Variants in TXN observed in about 807,000 individuals in gnomAD.
TXN encodes the protein thioredoxin.
Under a neutral mutation model 16.5 loss-of-function variants are expected in TXN, and 10 were observed. That is an observed-to-expected ratio of 0.61 (90% confidence interval 0.37 to 1.03). TXN has a LOEUF of 1.03. Ranked by LOEUF, TXN falls within the 50% of genes least tolerant of loss-of-function variation. TXN has a pLI of 0.01. For synonymous variants in TXN, 35 were observed against 39.4 expected (o/e 0.89, Z 0.42); for missense variants, 71 against 122.5 (o/e 0.58, Z 1.98).
rs1837612890 is a variant in TXN at position 110,244,008 on chromosome 9, T to TA, written c.*148_*149insT. 1 of 357,458 alleles carries TA rather than the reference T, an allele frequency of 2.8e-6. No individual in the cohort carries two copies. The highest frequency in any genetic ancestry group is 2.1e-5 in the African/African-American group (1 of 46,706). 22.1% of individuals were successfully genotyped at this position (357,458 alleles called of 1,614,324 possible). A position where few individuals can be genotyped will look rare whatever the true frequency, so the allele number is the denominator to read the frequency against. On this transcript the variant is annotated 3_prime_UTR_variant, in exon 5 of 5. Coordinates refer to ENST00000374517, the MANE Select transcript of TXN (RefSeq NM_003329.4). ...ATTTATTTTGAAAGCTATTCAGACA[T>TA]GAGACGGTTTTAAAAAGTGTTAGCA...
chr9:110,250,715 A>C, intron 3 of TXN, 105 bp downstream of exon 3: 1 of 941,284 alleles, frequency 1.1e-6, no homozygotes, highest in Non-Finnish European at 1.7e-6. Flanking sequence ...ATAGGATTAC[A>C]GTTCTAGAAT....
intron 3 of TXN, among the ~76,000 whole-genome samples, chr9:110,245,594 T>C (rs1159403503): frequency 1.2e-5 from 1 of 80,064 alleles, no homozygotes; most frequent in Non-Finnish European, 2.4e-5. Context: ...TGTGTGTGTG[T>C]ATATATATAC....
chr9:110,244,703 T>C, intron 4 of TXN, 75 bp downstream of exon 4: 1 of 1,289,584 alleles, frequency 7.8e-7, no homozygotes, highest in Non-Finnish European at 1.1e-6. Flanking sequence ...AAAGGGAACA[T>C]CACTCCAGTG....
rs1837809714 is a variant in TXN, at chr9:110,256,341, C to A, written c.24+71G>T. On this transcript the variant is annotated intron_variant, in intron 1 of 4. Transcript: ENST00000374517. This position sits in a 1 kb window ranked among gnomAD's most constrained non-coding sequence, Gnocchi z 4.2. ...TCCCGCCACCGCCTTCCCCACCTCC[C>A]GCCACCGCCTTCCCCAGTTACAGAG... 1.3e-6 allele frequency: 2 copies of A among 1,530,430 alleles called. No individual in the cohort carries two copies. Among genetic ancestry groups the A allele is most frequent in the South Asian group, 1.2e-5 (1 of 85,216 alleles). The allele number at this position is 1,530,430 out of a possible 1,614,324, so 94.8% of individuals were successfully genotyped here. A position where few individuals can be genotyped will look rare whatever the true frequency, so the allele number is the denominator to read the frequency against.
chr9:110,249,898 C>T (rs182348960), intron 3 of TXN, among the ~76,000 whole-genome samples: 12 of 152,276 alleles, frequency 7.9e-5, no homozygotes, highest in Non-Finnish European at 7.4e-5. Context: ...CCAGGTCCAG[C>T]GCCTCTGTTG....
chr9:110,251,756 A>G (rs1409324178), intron 1 of TXN, among the ~76,000 whole-genome samples: 4 of 152,086 alleles, frequency 2.6e-5, no homozygotes, highest in Non-Finnish European at 5.9e-5. Flanking sequence ...TGAACTGGCT[A>G]TTTTTTCTCT....
chr9:110,248,493 C>T (rs1286645629), intron 3 of TXN, among the ~76,000 whole-genome samples: 1 of 152,160 alleles, frequency 6.6e-6, no homozygotes, highest in Admixed American at 6.5e-5. Flanking sequence ...ACAGGCTTTA[C>T]CACATAGCCT....
At chr9:110,244,706 C>T in intron 4 of TXN, 72 bp downstream of exon 4, 1 of 1,326,082 alleles carries the variant, frequency 7.5e-7, no homozygotes, top group Non-Finnish European at 1.1e-6. Context: ...GGGAACATCA[C>T]TCCAGTGATT....
intron 3 of TXN, among the ~76,000 whole-genome samples, chr9:110,245,790 G>A (rs1837651499): frequency 1.3e-5 from 2 of 150,046 alleles, no homozygotes; most frequent in Non-Finnish European, 3.0e-5. Context: ...ACCACACTCA[G>A]CCTCCTGCTT....
intron 3 of TXN, among the ~76,000 whole-genome samples, chr9:110,249,419 G>C (rs192731032): frequency 6.6e-6 from 1 of 152,088 alleles, no homozygotes; most frequent in Non-Finnish European, 1.5e-5. Flanking sequence ...GGTGTGCTAG[G>C]TGAAGGGGCA....
intron 1 of TXN, 124 bp from the exon 2 acceptor site, chr9:110,251,586 C>CA (rs5899890): frequency 0.049 from 2,757 of 56,196 alleles, 444 homozygotes; most frequent in East Asian, 0.48. Flanking sequence ...ACTTTTTAGC[C>CA]AAAAAAAAAA....
intron 3 of TXN, among the ~76,000 whole-genome samples, chr9:110,250,564 G>C (rs1411545939): frequency 1.3e-5 from 2 of 152,188 alleles, no homozygotes; most frequent in African/African-American, 2.4e-5. Flanking sequence ...GTAGAATGTA[G>C]GGTTTTAGAA....
chr9:110,255,503 G>A (rs1007936459), intron 1 of TXN, among the ~76,000 whole-genome samples: 4 of 152,224 alleles, frequency 2.6e-5, no homozygotes, highest in African/African-American at 9.6e-5. Flanking sequence ...CAGGCAGCAG[G>A]GCGCGGCTGC....
intron 3 of TXN, among the ~76,000 whole-genome samples, chr9:110,250,579 G>A (rs754236901): frequency 3.3e-5 from 5 of 152,214 alleles, no homozygotes; most frequent in Non-Finnish European, 7.3e-5. Context: ...TTAGAAAGGT[G>A]GGTGGCCGAT....
chr9:110,253,720 T>C (rs4135179), intron 1 of TXN, among the ~76,000 whole-genome samples: 20,102 of 152,252 alleles, frequency 0.13, 1,764 homozygotes, highest in Non-Finnish European at 0.21. Flanking sequence ...GAACATGAGT[T>C]ACACCCCACG....
chr9:110,248,332 C>A (rs1304732847), intron 3 of TXN, among the ~76,000 whole-genome samples: 1 of 152,202 alleles, frequency 6.6e-6, no homozygotes, highest in Non-Finnish European at 1.5e-5. Flanking sequence ...ATGGCAAGTA[C>A]CTTATAAAGG....
intron 3 of TXN, among the ~76,000 whole-genome samples, chr9:110,247,408 T>C (rs1214093349): frequency 1.3e-5 from 2 of 151,818 alleles, no homozygotes; most frequent in African/African-American, 2.4e-5. Flanking sequence ...ACGGAAGTCC[T>C]CGAGTGCTTT....
At chr9:110,247,821 G>C (rs538889634) in intron 3 of TXN, among the ~76,000 whole-genome samples, 1 of 152,176 alleles carries the variant, frequency 6.6e-6, no homozygotes, top group African/African-American at 2.4e-5. Flanking sequence ...CTATACAACA[G>C]GCTCAGGCAG....
At chr9:110,252,637 G>A (rs537205212) in intron 1 of TXN, among the ~76,000 whole-genome samples, 10 of 152,148 alleles carry the variant, frequency 6.6e-5, no homozygotes, top group African/African-American at 2.2e-4. Flanking sequence ...AGTTACCAAG[G>A]ACTCATTTTT....
Sources: gnomAD v4.1 joint callset for allele counts (sites outside exome capture counted in the v4.1 genomes callset) on GRCh38, gnomAD v4.1.1 for gene constraint, Gnocchi (gnomAD v3.1) non-coding constraint, MANE v1.5 for transcripts, NCBI Gene and HGNC (gene_info 2026-07-23, HGNC 2026-07-21) for gene names.